The following PTPRE variants were observed in gnomAD, a reference collection of about 807,000 sequenced individuals.
PTPRE encodes protein tyrosine phosphatase receptor type E.
PTPRE carries 51 observed loss-of-function variants against 102.0 expected under a neutral mutation model. The ratio of observed to expected loss-of-function variants is 0.50; its 90% CI spans 0.40 to 0.63. PTPRE has a LOEUF of 0.63. Ranked by LOEUF, PTPRE falls within the 30% of genes least tolerant of loss-of-function variation. The pLI is 0.00. For missense variants in PTPRE, 752 were observed against 915.1 expected, an observed-to-expected ratio of 0.82 and a Z score of 2.30; for synonymous variants, 345 against 348.2, an observed-to-expected ratio of 0.99 and a Z score of 0.10.
At position 128,084,874 on chromosome 10, in the gene PTPRE, T is replaced by C. The variant is rs1185169612; in HGVS notation, c.*1968T>C. The C allele has an allele frequency of 4.8e-6, 1 of 208,544 alleles. No individual in the cohort carries two copies. The highest frequency in any genetic ancestry group is 1.0e-5 in the Non-Finnish European group (1 of 97,380). The allele number at this position is 208,544 out of a possible 1,614,324, so 12.9% of individuals were successfully genotyped here. ...AGGGGCACCGGCTTTGGTTCATGTC[T>C]AGGAGCCCTCTGTCAGAATCCTTGA... On this transcript the variant is annotated 3_prime_UTR_variant, in exon 21 of 21. Coordinates refer to ENST00000254667, the MANE Select transcript of PTPRE (RefSeq NM_006504.6).
At chr10:128,056,286 G>A (rs11016041) in intron 7 of PTPRE, 73 bp downstream of exon 7, 431,280 of 1,273,646 alleles carry the variant, frequency 0.34, 77,127 homozygotes, top group Admixed American at 0.59. Flanking sequence ...GCAGCTCCCC[G>A]TGACTGCAGG....
At chr10:127,945,295 G>A (rs60554498) in intron 1 of PTPRE, among the ~76,000 whole-genome samples, 3,356 of 152,258 alleles carry the variant, frequency 0.022, 134 homozygotes, top group African/African-American at 0.076. Context: ...GGTGACTTGC[G>A]GAACTGGCAA....
At chr10:128,054,008 G>A (rs1848756827) in intron 6 of PTPRE, among the ~76,000 whole-genome samples, 1 of 152,106 alleles carries the variant, frequency 6.6e-6, no homozygotes, top group South Asian at 2.1e-4. Flanking sequence ...TGATCCACCC[G>A]CCTCGACTTC....
intron 1 of PTPRE, among the ~76,000 whole-genome samples, chr10:127,980,757 T>G (rs149620489): frequency 6.6e-6 from 1 of 152,168 alleles, no homozygotes; most frequent in Non-Finnish European, 1.5e-5. Flanking sequence ...AACAATTTTT[T>G]AAAAATATAA....
chr10:128,069,496 T>C, intron 12 of PTPRE, 196 bp from the exon 13 acceptor site: 1 of 648,334 alleles, frequency 1.5e-6, no homozygotes, highest in South Asian at 1.9e-5. Flanking sequence ...TGTCGGTGGC[T>C]ATCAGAGGAC....
chr10:128,021,055 C>T (rs1264213639), intron 2 of PTPRE, among the ~76,000 whole-genome samples: 1 of 152,034 alleles, frequency 6.6e-6, no homozygotes, highest in Non-Finnish European at 1.5e-5. Flanking sequence ...CCCCCACACC[C>T]GGCTAATTTT....
In PTPRE at chr10:128,024,759, G is replaced by C. The variant is rs1438077002; in HGVS notation, c.-7-16116G>C. Among the ~76,000 whole-genome samples the C allele has an allele frequency of 3.9e-5, 6 of 152,196 alleles. No individual in the cohort carries two copies. The South Asian group carries it at 8.3e-4, about 21-fold the overall frequency. Reference sequence around the variant, plus strand: ...AGCCCCAGGAGGAAGCCCATCAGGGGACTTCCTGCGGCTTTAAAATTTCTT... The same window carrying C: ...AGCCCCAGGAGGAAGCCCATCAGGGCACTTCCTGCGGCTTTAAAATTTCTT... On this transcript the variant is annotated intron_variant, in intron 2 of 20. Transcript: ENST00000254667.
intron 3 of PTPRE, among the ~76,000 whole-genome samples, chr10:128,045,759 G>C (rs1388152031): frequency 6.6e-6 from 1 of 152,242 alleles, no homozygotes; most frequent in Non-Finnish European, 1.5e-5. Context: ...CTGTGGGCAG[G>C]TTGGAGGTCA....
chr10:127,911,680 G>A (rs1469334469), intron 1 of PTPRE, among the ~76,000 whole-genome samples: 5 of 152,146 alleles, frequency 3.3e-5, no homozygotes, highest in Non-Finnish European at 2.9e-5. Context: ...TCCGTACAAG[G>A]CTGGATCCCA....
intron 1 of PTPRE, among the ~76,000 whole-genome samples, chr10:127,931,894 A>G (rs982895771): frequency 1.3e-5 from 2 of 152,164 alleles, no homozygotes; most frequent in Non-Finnish European, 2.9e-5. Context: ...GTAGGGACTC[A>G]TCTCCTAGCA....
intron 1 of PTPRE, among the ~76,000 whole-genome samples, chr10:127,923,973 T>C (rs1846816985): frequency 6.6e-6 from 1 of 152,126 alleles, no homozygotes; most frequent in Non-Finnish European, 1.5e-5. Context: ...CTGGAAAATA[T>C]CCATGATGAG....
rs930727681 is a variant in PTPRE, at chr10:128,070,706, C to T, written c.1294-102C>T. ...GCTTCCTGGGTTGGAGAGTGGTTTCCTTTGAGCAGGCGTCCTTGCCAGCAG... is the reference window on the plus strand; with the variant it reads ...GCTTCCTGGGTTGGAGAGTGGTTTCTTTTGAGCAGGCGTCCTTGCCAGCAG... On this transcript the variant is annotated intron_variant, in intron 14 of 20. Transcript: ENST00000254667. The surrounding 1 kb of genome is among the most constrained non-coding windows in gnomAD (Gnocchi z 4.8). The T allele has an allele frequency of 5.1e-5, 68 of 1,345,064 alleles. No homozygotes were observed. Among genetic ancestry groups the T allele is most frequent in the Non-Finnish European group, 6.0e-5 (58 of 969,902 alleles). 83.3% of individuals were successfully genotyped at this position (1,345,064 alleles called of 1,614,324 possible).
intron 1 of PTPRE, among the ~76,000 whole-genome samples, chr10:127,911,254 G>A (rs779804380): frequency 3.3e-5 from 5 of 152,174 alleles, no homozygotes; most frequent in African/African-American, 9.7e-5. Flanking sequence ...TAAATTTTGC[G>A]TGATTAAGTA....
intron 2 of PTPRE, among the ~76,000 whole-genome samples, chr10:128,037,265 G>C (rs981861230): frequency 6.6e-6 from 1 of 152,184 alleles, no homozygotes; most frequent in Non-Finnish European, 1.5e-5. Flanking sequence ...GAACTGCCTG[G>C]ACAGTGGGTT....
intron 17 of PTPRE, among the ~76,000 whole-genome samples, chr10:128,074,561 G>A (rs541917895): frequency 1.3e-5 from 2 of 152,290 alleles, no homozygotes; most frequent in East Asian, 3.9e-4. Context: ...AGCTACTTGG[G>A]AGGCTGAGGC....
At position 128,084,798 on chromosome 10, in the gene PTPRE, T is replaced by C. The variant is rs1851980074; in HGVS notation, c.*1892T>C. The C allele has an allele frequency of 6.6e-6, 1 of 151,976 alleles. No individual in the cohort carries two copies. The highest frequency in any genetic ancestry group is 2.6e-5 in the African/African-American group (1 of 38,204). 9.4% of individuals were successfully genotyped at this position (151,976 alleles called of 1,614,324 possible). ...TAGAAAAAGAGCCAGTTTGCTACGA[T>C]GAAGGTGACATTTCTCTGGTCATTT... is the stretch of plus-strand genomic sequence containing the variant. On this transcript the variant is annotated 3_prime_UTR_variant, in exon 21 of 21. Transcript: ENST00000254667.
chr10:128,062,264 T>C (rs752612251), intron 9 of PTPRE, among the ~76,000 whole-genome samples: 4 of 151,894 alleles, frequency 2.6e-5, no homozygotes, highest in Non-Finnish European at 5.9e-5. Context: ...AGGCCAGGAG[T>C]CTTTAGGGCA....
chr10:127,913,633 C>T (rs1343292060), intron 1 of PTPRE, among the ~76,000 whole-genome samples: 1 of 152,152 alleles, frequency 6.6e-6, no homozygotes, highest in African/African-American at 2.4e-5. Context: ...CAGGCTTGGC[C>T]CTGACTCCTC....
At chr10:127,930,856 G>A (rs1023396662) in intron 1 of PTPRE, among the ~76,000 whole-genome samples, 2 of 150,800 alleles carry the variant, frequency 1.3e-5, no homozygotes, top group East Asian at 2.0e-4. Context: ...GCAGTGGCGC[G>A]ATATCGGCTC....
Sources: gnomAD v4.1 joint callset for allele counts (sites outside exome capture counted in the v4.1 genomes callset) on GRCh38, gnomAD v4.1.1 for gene constraint, Gnocchi (gnomAD v3.1) non-coding constraint, MANE v1.5 for transcripts, NCBI Gene and HGNC (gene_info 2026-07-23, HGNC 2026-07-21) for gene names.